ZRANB3: variants seen among roughly 807,000 people sequenced by gnomAD.
ZRANB3 encodes the protein DNA annealing helicase and endonuclease ZRANB3.
ZRANB3 carries 125 observed loss-of-function variants against 133.8 expected under a neutral mutation model. The observed-to-expected ratio is 0.93, with a 90% CI of 0.81 to 1.08. The LOEUF (loss-of-function observed/expected upper bound fraction) is 1.08. ZRANB3 is among the 50% of genes least tolerant of loss of function. ZRANB3 has a pLI of 0.00. For missense variants in ZRANB3, 1,229 were observed against 1,275.5 expected, an observed-to-expected ratio of 0.96 and a Z score of 0.56; for synonymous variants, 387 against 432.7, an observed-to-expected ratio of 0.89 and a Z score of 1.31.
At chr2:135,392,440 T>A in intron 2 of ZRANB3, among the ~76,000 whole-genome samples, 1 of 152,166 alleles carries the variant, frequency 6.6e-6, no homozygotes, top group South Asian at 2.1e-4. Flanking sequence ...CTTATAAGAT[T>A]TATTTCTATA....
intron 1 of ZRANB3, among the ~76,000 whole-genome samples, chr2:135,524,428 C>A (rs1422620178): frequency 2.6e-5 from 4 of 152,046 alleles, no homozygotes; most frequent in Non-Finnish European, 4.4e-5. Context: ...CATAGAATGA[C>A]CCATTGATTC....
At chr2:135,413,089 T>C (rs137865379) in intron 2 of ZRANB3, among the ~76,000 whole-genome samples, 58 of 152,296 alleles carry the variant, frequency 3.8e-4, no homozygotes, top group African/African-American at 1.1e-3. Flanking sequence ...AGTTATAACA[T>C]ATGTTGCAAA....
At chr2:135,501,170 T>G (rs994936305) in intron 2 of ZRANB3, among the ~76,000 whole-genome samples, 1 of 152,022 alleles carries the variant, frequency 6.6e-6, no homozygotes, top group Non-Finnish European at 1.5e-5. Context: ...GAACAAAAAT[T>G]AGACTGATTT....
At chr2:135,334,053 T>C (rs1684269666) in intron 6 of ZRANB3, among the ~76,000 whole-genome samples, 1 of 152,204 alleles carries the variant, frequency 6.6e-6, no homozygotes, top group Admixed American at 6.5e-5. Context: ...CTTGAAACTC[T>C]CTTCTTTTAG....
chr2:135,511,450 C>T lies in ZRANB3; in HGVS notation c.-7-6954G>A. On this transcript the variant is annotated intron_variant, in intron 1 of 20. Coordinates refer to ENST00000264159, the MANE Select transcript of ZRANB3 (RefSeq NM_032143.4). ...AAAGTTCCAGAATCATCAGGTACCA[C>T]CTGAGGTGTTTGCTGTCTTTTCTTC... 6 of 826,724 alleles carry T rather than the reference C, an allele frequency of 7.3e-6. No homozygotes were observed. The South Asian group carries it at 7.9e-5, about 11-fold the overall frequency. 51.2% of individuals were successfully genotyped at this position (826,724 alleles called of 1,614,324 possible).
chr2:135,271,452 G>GC, intron 10 of ZRANB3: 1 of 466,026 alleles, frequency 2.1e-6, no homozygotes, highest in Non-Finnish European at 4.3e-6. Context: ...TATAAGAAAA[G>GC]CCTATACAAA....
chr2:135,375,723 A>C (rs1200671922), intron 3 of ZRANB3, among the ~76,000 whole-genome samples: 1 of 148,222 alleles, frequency 6.7e-6, no homozygotes, highest in Non-Finnish European at 1.5e-5. Flanking sequence ...GGGGTGGTGG[A>C]GCATGCCTGT....
intron 12 of ZRANB3, 159 bp from the exon 13 acceptor site, chr2:135,231,086 T>C: frequency 2.1e-6 from 1 of 465,704 alleles, no homozygotes; most frequent in Non-Finnish European, 3.5e-6. Context: ...CATATATACA[T>C]ATATAAATAT....
intron 2 of ZRANB3, among the ~76,000 whole-genome samples, chr2:135,472,219 G>C (rs1691298978): frequency 6.6e-6 from 1 of 152,094 alleles, no homozygotes; most frequent in South Asian, 2.1e-4. Context: ...TCACAGATGT[G>C]GCCGGGCACG....
At chr2:135,380,070 A>C (rs1442503087) in intron 3 of ZRANB3, among the ~76,000 whole-genome samples, 3 of 152,244 alleles carry the variant, frequency 2.0e-5, no homozygotes, top group Admixed American at 2.0e-4. Context: ...AAAGAAGGCC[A>C]TTACATAATG....
At chr2:135,359,101 C>T (rs1336525523) in intron 3 of ZRANB3, among the ~76,000 whole-genome samples, 5 of 152,066 alleles carry the variant, frequency 3.3e-5, no homozygotes, top group African/African-American at 4.8e-5. Flanking sequence ...TCATCAGCCT[C>T]GACATCCAAA....
At chr2:135,408,738 C>G (rs1185530642) in intron 2 of ZRANB3, among the ~76,000 whole-genome samples, 1 of 151,754 alleles carries the variant, frequency 6.6e-6, no homozygotes, top group Non-Finnish European at 1.5e-5. Flanking sequence ...AAAAACTGAA[C>G]ACTGCATGTT....
chr2:135,493,551 G>C (rs1692515655), intron 2 of ZRANB3, among the ~76,000 whole-genome samples: 1 of 151,978 alleles, frequency 6.6e-6, no homozygotes, highest in Non-Finnish European at 1.5e-5. Flanking sequence ...AGGATGATCT[G>C]TAAGTTCAGG....
At chr2:135,452,082 G>C (rs1431711762) in intron 2 of ZRANB3, among the ~76,000 whole-genome samples, 1 of 152,128 alleles carries the variant, frequency 6.6e-6, no homozygotes, top group South Asian at 2.1e-4. Context: ...AAGAAATAGA[G>C]TTTTAATTGG....
chr2:135,302,335 G>GA (rs1237148704), intron 8 of ZRANB3, among the ~76,000 whole-genome samples: 31 of 152,126 alleles, frequency 2.0e-4, no homozygotes, highest in Non-Finnish European at 4.6e-4. Flanking sequence ...ATTAGAGAGG[G>GA]AATGAAAAAT....
intron 6 of ZRANB3, among the ~76,000 whole-genome samples, chr2:135,321,474 A>AT (rs34493241): frequency 0.014 from 1,931 of 134,024 alleles, 23 homozygotes; most frequent in African/African-American, 0.033. Flanking sequence ...GAGTTTTGGG[A>AT]TTTTTTTTTT....
intron 8 of ZRANB3, among the ~76,000 whole-genome samples, chr2:135,277,043 T>C (rs1680859134): frequency 6.6e-6 from 1 of 152,188 alleles, no homozygotes; most frequent in African/African-American, 2.4e-5. Flanking sequence ...ATAGAGGGTA[T>C]TTGGATGGAG....
intron 1 of ZRANB3, among the ~76,000 whole-genome samples, chr2:135,504,905 C>G (rs962888795): frequency 6.6e-6 from 1 of 152,018 alleles, no homozygotes; most frequent in Non-Finnish European, 1.5e-5. Flanking sequence ...TTTCATATCA[C>G]ACCAGATTTT....
rs1315117885 is a variant in ZRANB3, at chr2:135,200,311, C to G, written c.*31G>C. On this transcript the variant is annotated 3_prime_UTR_variant, in exon 21 of 21. Coordinates refer to ENST00000264159, the MANE Select transcript of ZRANB3 (RefSeq NM_032143.4). ...GTATTAAAGTCTTCCACATGTAAACCATTTGTCATTCATTCATATATTTTT... is the reference window on the plus strand; with the variant it reads ...GTATTAAAGTCTTCCACATGTAAACGATTTGTCATTCATTCATATATTTTT... The G allele has an allele frequency of 6.6e-7, 1 of 1,523,024 alleles. No individual in the cohort carries two copies. The highest frequency in any genetic ancestry group is 1.9e-5 in the Admixed American group (1 of 51,432). The allele number at this position is 1,523,024 out of a possible 1,614,324, so 94.3% of individuals were successfully genotyped here.
Sources: allele counts gnomAD v4.1 joint callset (sites outside exome capture counted in the v4.1 genomes callset), GRCh38; gene constraint gnomAD v4.1.1; transcripts MANE v1.5; gene names NCBI Gene and HGNC (gene_info 2026-07-23, HGNC 2026-07-21).